Variants in COLEC11 observed in about 807,000 individuals in gnomAD.
COLEC11 encodes the protein collectin subfamily member 11.
In COLEC11, 20 loss-of-function variants were observed where a neutral mutation model predicts 27.3. The observed-to-expected ratio is 0.73, with a 90% CI of 0.51 to 1.06. COLEC11 has a LOEUF of 1.06. COLEC11 is among the 50% of genes least tolerant of loss of function. COLEC11 has a pLI of 0.00. For synonymous variants in COLEC11, 163 were observed against 154.7 expected, an observed-to-expected ratio of 1.05 and a Z score of -0.40; for missense variants, 310 against 383.0, an observed-to-expected ratio of 0.81 and a Z score of 1.59.
chr2:3,610,934 G>T (rs188835451), intron 2 of COLEC11, among the ~76,000 whole-genome samples: 15 of 152,048 alleles, frequency 9.9e-5, no homozygotes, highest in African/African-American at 3.4e-4. Flanking sequence ...TTCCCTCCTG[G>T]GTAGCTGACA....
intron 3 of COLEC11, among the ~76,000 whole-genome samples, chr2:3,634,964 G>T (rs113229263): frequency 3.3e-5 from 5 of 151,310 alleles, no homozygotes; most frequent in Non-Finnish European, 7.4e-5. Context: ...TGCCTGCCCC[G>T]CTGCCCTTGG....
chr2:3,604,038 T>A (rs971203414), intron 1 of COLEC11: 2 of 576,596 alleles, frequency 3.5e-6, no homozygotes, highest in African/African-American at 3.7e-5. Flanking sequence ...CAGATCGAAC[T>A]CCTTGGGGTG....
At chr2:3,611,933 G>T (rs190387288) in intron 2 of COLEC11, among the ~76,000 whole-genome samples, 4 of 148,482 alleles carry the variant, frequency 2.7e-5, no homozygotes, top group African/African-American at 5.2e-5. Context: ...GCACGAGCTG[G>T]TCCAGTATGA....
rs1052427377 is a variant in COLEC11 at position 3,603,519 on chromosome 2, G to A, written c.-26-796G>A. On this transcript the variant is annotated intron_variant, in intron 1 of 6. Transcript: ENST00000349077. Reference sequence around the variant, plus strand: ...TTTAGAAGACATGCGGTTTCACCATGTTGTCCAGACTGGTCTCGAACTCCC... The same window carrying A: ...TTTAGAAGACATGCGGTTTCACCATATTGTCCAGACTGGTCTCGAACTCCC... 6 of 810,886 alleles carry A rather than the reference G, an allele frequency of 7.4e-6. No homozygotes were observed. The Admixed American group carries it at 8.2e-5, about 11-fold the overall frequency. The allele number at this position is 810,886 out of a possible 1,614,324, so 50.2% of individuals were successfully genotyped here.
rs1308467109 is a variant in COLEC11 at position 3,598,270 on chromosome 2, C to T, written c.-27+3102C>T. 3.9e-5 allele frequency among the ~76,000 whole-genome samples: 6 copies of T among 152,294 alleles called. No homozygotes were observed. In the East Asian group the frequency reaches 1.2e-3, roughly 29 times the overall value. ...ATTATTAGGAATTTCAGGACAATGA[C>T]AGCAGGGCAGTAACCCACGTCTGCA... On this transcript the variant is annotated intron_variant, in intron 1 of 6. Coordinates refer to ENST00000349077, the MANE Select transcript of COLEC11 (RefSeq NM_024027.5).
At position 3,630,390 on chromosome 2, in the gene COLEC11, C is replaced by G. The variant is rs115434455; in HGVS notation, c.203-7143C>G. ...TAAACTTTATTTCTCAATATAAGCA[C>G]CATGAAGTTCAAGACACTTTTGTAA... is the stretch of plus-strand genomic sequence containing the variant. On this transcript the variant is annotated intron_variant, in intron 3 of 6. Coordinates refer to ENST00000349077, the MANE Select transcript of COLEC11 (RefSeq NM_024027.5). 3.2e-3 allele frequency among the ~76,000 whole-genome samples: 494 copies of G among 152,246 alleles called. 6 individuals are homozygous for G. The highest frequency in any genetic ancestry group is 0.011 in the African/African-American group (465 of 41,532).
At chr2:3,632,582 C>A (rs888124953) in intron 3 of COLEC11, among the ~76,000 whole-genome samples, 4 of 152,244 alleles carry the variant, frequency 2.6e-5, no homozygotes, top group African/African-American at 9.6e-5. Flanking sequence ...TGTGTGACCT[C>A]TTTAAAGACC....
chr2:3,620,447 G>A (rs1307286007), intron 3 of COLEC11, among the ~76,000 whole-genome samples: 4 of 150,612 alleles, frequency 2.7e-5, no homozygotes, highest in Non-Finnish European at 4.4e-5. Context: ...TTTTTTCTTC[G>A]TCTAGCTAAA....
intron 1 of COLEC11, chr2:3,603,616 C>A: frequency 6.4e-7 from 1 of 1,550,868 alleles, no homozygotes; most frequent in Non-Finnish European, 8.7e-7. Context: ...TGCGCCTGGT[C>A]TTGTTTTCCA....
At chr2:3,642,454 C>T (rs1482029617) in intron 5 of COLEC11, among the ~76,000 whole-genome samples, 2 of 152,164 alleles carry the variant, frequency 1.3e-5, no homozygotes, top group Admixed American at 6.5e-5. Flanking sequence ...ATGTCCCTCT[C>T]ATCAGGCCAC....
intron 2 of COLEC11, among the ~76,000 whole-genome samples, chr2:3,613,078 A>G (rs563386538): frequency 5.8e-4 from 89 of 152,304 alleles, no homozygotes; most frequent in African/African-American, 2.1e-3. Context: ...AGAGAAACAC[A>G]GGCCCTTTCT....
chr2:3,644,231 G>C lies in COLEC11; in HGVS notation c.*113G>C, dbSNP rs770882319. 5 of 1,338,826 alleles carry C rather than the reference G, an allele frequency of 3.7e-6. No individual in the cohort carries two copies. Among genetic ancestry groups the C allele is most frequent in the African/African-American group, 1.4e-5 (1 of 69,860 alleles). The allele number at this position is 1,338,826 out of a possible 1,614,324, so 82.9% of individuals were successfully genotyped here. On this transcript the variant is annotated 3_prime_UTR_variant, in exon 7 of 7. Transcript: ENST00000349077. ...AGCTGTCCCTCTGTGAAGGGTGGAG[G>C]CTCACTGAGTAGAGGGCTGTTGTCT...
chr2:3,640,196 C>A, intron 4 of COLEC11, 82 bp from the exon 5 acceptor site: 2 of 876,650 alleles, frequency 2.3e-6, no homozygotes, highest in South Asian at 1.4e-5. Flanking sequence ...CGAGACAAAT[C>A]ACATTTTCAG....
chr2:3,637,493 C>T (rs1558517214), intron 3 of COLEC11, 40 bp from the exon 4 acceptor site: 1 of 1,549,954 alleles, frequency 6.5e-7, no homozygotes. Context: ...CACGGTGTCA[C>T]CTGTGCATCG....
At chr2:3,611,710 G>A (rs12622035) in intron 2 of COLEC11, among the ~76,000 whole-genome samples, 101,317 of 152,018 alleles carry the variant, frequency 0.67, 34,865 homozygotes, top group South Asian at 0.88. Flanking sequence ...TGGCACGGGG[G>A]TGATGTGGGG....
intron 3 of COLEC11, among the ~76,000 whole-genome samples, chr2:3,613,752 C>A (rs897357343): frequency 6.6e-6 from 1 of 152,168 alleles, no homozygotes; most frequent in Non-Finnish European, 1.5e-5. Flanking sequence ...GGACCCTCAT[C>A]ACTTTGCGTC....
At chr2:3,597,215 C>T (rs1247196454) in intron 1 of COLEC11, among the ~76,000 whole-genome samples, 2 of 149,566 alleles carry the variant, frequency 1.3e-5, no homozygotes, top group African/African-American at 2.5e-5. Flanking sequence ...TGGGCTGCTC[C>T]GGGGTCAGTG....
chr2:3,616,685 T>G (rs1243753217), intron 3 of COLEC11, among the ~76,000 whole-genome samples: 2 of 151,670 alleles, frequency 1.3e-5, no homozygotes, highest in Non-Finnish European at 2.9e-5. Context: ...GGCAGGGAGG[T>G]TGCAGTGAGC....
intron 2 of COLEC11, chr2:3,606,351 T>G: frequency 1.1e-6 from 1 of 932,170 alleles, no homozygotes; most frequent in Non-Finnish European, 1.7e-6. Context: ...GTCCACGTCC[T>G]GGGTCCCCTG....
Sources: allele counts gnomAD v4.1 joint callset (sites outside exome capture counted in the v4.1 genomes callset), GRCh38; gene constraint gnomAD v4.1.1; transcripts MANE v1.5; gene names NCBI Gene and HGNC (gene_info 2026-07-23, HGNC 2026-07-21).